SRI: variants seen among roughly 807,000 people sequenced by gnomAD.
SRI encodes the protein 22 kDa protein.
In SRI, 30 loss-of-function variants were observed where a neutral mutation model predicts 33.3. The ratio of observed to expected loss-of-function variants is 0.90; its 90% CI spans 0.67 to 1.22. SRI has a LOEUF of 1.22. SRI is among the 50% of genes most tolerant of loss of function. The probability of loss-of-function intolerance (pLI) is 0.00; values close to 1 mark genes in which losing one functional copy is unlikely to be tolerated. For synonymous variants in SRI, 75 were observed against 89.9 expected (o/e 0.83, Z 0.94); for missense variants, 243 against 250.8 (o/e 0.97, Z 0.21).
At chr7:88,211,692 C>T (rs1192109246) in intron 3 of SRI, among the ~76,000 whole-genome samples, 1 of 152,088 alleles carries the variant, frequency 6.6e-6, no homozygotes, top group Non-Finnish European at 1.5e-5. Context: ...CAGTAACCTC[C>T]TACCTCAAAT....
chr7:88,218,783 T>A, intron 2 of SRI, 76 bp downstream of exon 2: 2 of 1,459,690 alleles, frequency 1.4e-6, no homozygotes, highest in Non-Finnish European at 1.9e-6. Context: ...GAAGTTCGCT[T>A]TTCTGTGTCA....
rs1851434067 is a variant in SRI, at chr7:88,206,083, GTTTTTA to G, written c.*389_*394del. ...AAGTGCGTCTATGTCATTTACCTAA[GTTTTTA>G]TGTGTGGAGTATTCTTTGTAGGAGA... On this transcript the variant is annotated 3_prime_UTR_variant, in exon 8 of 8. Coordinates refer to ENST00000265729, the MANE Select transcript of SRI (RefSeq NM_003130.4). 5.0e-6 allele frequency: 1 copy of G among 200,838 alleles called. No homozygotes were observed. The allele number at this position is 200,838 out of a possible 1,614,324, so 12.4% of individuals were successfully genotyped here.
chr7:88,209,411 GT>G lies in SRI; in HGVS notation c.438del (p.Lys146AsnfsTer21), dbSNP rs1382837478. On this transcript the variant is annotated frameshift_variant, in exon 6 of 8. Coordinates refer to ENST00000265729, the MANE Select transcript of SRI (RefSeq NM_003130.4). LOFTEE classifies it high-confidence loss of function. ...GTGATCTTTCCATTGGTGCTGTATC[GT>G]TTTGCAATTGAATTCACAGCCTGGG... The part of the protein sequence containing the change: ...LSPQAVNSIA[K>X]RYSTNGKITF... 3 of 1,613,878 alleles carry G rather than the reference GT, an allele frequency of 1.9e-6. No homozygotes were observed. Among genetic ancestry groups the G allele is most frequent in the Admixed American group, 3.3e-5 (2 of 59,988 alleles).
chr7:88,210,445 G>A, intron 4 of SRI: 1 of 420,966 alleles, frequency 2.4e-6, no homozygotes, highest in Non-Finnish European at 4.4e-6. Context: ...TTCAGGCTAT[G>A]CTGTTTGCCC....
intron 3 of SRI, among the ~76,000 whole-genome samples, chr7:88,211,180 T>A (rs1218352214): frequency 6.6e-6 from 1 of 152,166 alleles, no homozygotes; most frequent in Admixed American, 6.5e-5. Flanking sequence ...AGTCCGGGTA[T>A]GGTGGCTCAC....
At chr7:88,209,528 T>G in intron 5 of SRI, 76 bp from the exon 6 acceptor site, 2 of 1,163,568 alleles carry the variant, frequency 1.7e-6, no homozygotes, top group Admixed American at 3.6e-5. Context: ...TCAAGCACTA[T>G]TTTATTTTTT....
chr7:88,219,781 G>C (rs929025720), intron 1 of SRI, among the ~76,000 whole-genome samples, 195 bp downstream of exon 1: 3 of 152,184 alleles, frequency 2.0e-5, no homozygotes, highest in Admixed American at 2.0e-4. Context: ...TCCAGGAGAA[G>C]GGACGGGGAA....
Position 88,210,043 on chromosome 7 carries a change from C to G in SRI, c.337G>C (p.Asp113His), listed in dbSNP as rs770459487. The change falls in exon 5 of 8, where the codon GAC becomes CAC. Residue 113 changes from aspartate to histidine, a missense_variant. Transcript: ENST00000265729. ...NGWRQHFISF[D>H]TDRSGTVDPQ... Reference sequence around the variant, plus strand: ...TCTACTGTTCCACTCCTGTCAGTGTCAAAACTGATAAAGTGTTGTCTCCAG... The same window carrying G: ...TCTACTGTTCCACTCCTGTCAGTGTGAAAACTGATAAAGTGTTGTCTCCAG... 9.3e-6 allele frequency: 15 copies of G among 1,614,030 alleles called. No individual in the cohort carries two copies. The highest frequency in any genetic ancestry group is 1.3e-5 in the Non-Finnish European group (15 of 1,180,036).
intron 3 of SRI, 114 bp from the exon 4 acceptor site, chr7:88,211,039 G>T: frequency 1.2e-6 from 1 of 851,418 alleles, no homozygotes. Context: ...ATTTTTATAT[G>T]CTATCAATTT....
upstream of SRI, among the ~76,000 whole-genome samples, chr7:88,224,799 G>A (rs1185020811): frequency 1.3e-5 from 2 of 152,188 alleles, no homozygotes; most frequent in Non-Finnish European, 2.9e-5. Flanking sequence ...ATTGTAGATG[G>A]TAATGAATCA....
At chr7:88,216,494 C>T (rs1367921978) in intron 3 of SRI, among the ~76,000 whole-genome samples, 3 of 152,188 alleles carry the variant, frequency 2.0e-5, no homozygotes, top group Non-Finnish European at 4.4e-5. Context: ...GCCCAAAGCT[C>T]AGAGACCAGG....
rs545352444 is a variant in SRI, at chr7:88,211,482, G to A, written c.206-557C>T. Among the ~76,000 whole-genome samples, 3 of 152,080 alleles carry A rather than the reference G, an allele frequency of 2.0e-5. No homozygotes were observed. In the East Asian group the frequency reaches 5.8e-4, roughly 29 times the overall value. On this transcript the variant is annotated intron_variant, in intron 3 of 7. Coordinates refer to ENST00000265729, the MANE Select transcript of SRI (RefSeq NM_003130.4). ...AAAAAAAAAAGTATTACATAGTACT[G>A]TTCATACTTTCTTGCTTTGAAACTG...
At chr7:88,223,075 G>A (rs1851925719), upstream of SRI, among the ~76,000 whole-genome samples, 1 of 152,002 alleles carries the variant, frequency 6.6e-6, no homozygotes, top group Admixed American at 6.6e-5. Context: ...CCTACAAAAT[G>A]GGAGAAAATT....
At chr7:88,220,209 C>T (rs1443069203), upstream of SRI, 4 of 1,312,442 alleles carry the variant, frequency 3.0e-6, no homozygotes, top group African/African-American at 1.6e-5. Flanking sequence ...CTGCGCGCTT[C>T]TTCGTATCTT....
chr7:88,219,526 C>A (rs974375071), intron 1 of SRI: 28 of 195,504 alleles, frequency 1.4e-4, no homozygotes, highest in Admixed American at 5.8e-5. Context: ...TTTCCGTCCC[C>A]CTTCTCACTC....
chr7:88,217,456 C>T (rs1851758857), intron 2 of SRI, among the ~76,000 whole-genome samples: 1 of 152,136 alleles, frequency 6.6e-6, no homozygotes, highest in South Asian at 2.1e-4. Flanking sequence ...ACTGCTACAG[C>T]TAAACATTTT....
At chr7:88,224,642 T>C (rs368466072), upstream of SRI, among the ~76,000 whole-genome samples, 7 of 152,058 alleles carry the variant, frequency 4.6e-5, no homozygotes, top group East Asian at 3.9e-4. Flanking sequence ...ATGATGTTCA[T>C]TTGGGAATAA....
At chr7:88,226,039 G>C (rs1046005422) in intron 1 of SRI, among the ~76,000 whole-genome samples, 8 of 152,088 alleles carry the variant, frequency 5.3e-5, no homozygotes, top group Non-Finnish European at 8.8e-5. Flanking sequence ...CCATGTCTGG[G>C]ACCACATAGA....
chr7:88,208,641 G>T, intron 6 of SRI, 76 bp from the exon 7 acceptor site: 1 of 1,575,870 alleles, frequency 6.3e-7, no homozygotes, highest in Non-Finnish European at 8.6e-7. Flanking sequence ...AGTTATTTTG[G>T]CATTGAATTC....
Sources: gnomAD v4.1 joint callset for allele counts (sites outside exome capture counted in the v4.1 genomes callset) on GRCh38, gnomAD v4.1.1 for gene constraint, MANE v1.5 for transcripts, NCBI Gene and HGNC (gene_info 2026-07-23, HGNC 2026-07-21) for gene names.